TNIP3: variants seen among roughly 807,000 people sequenced by gnomAD.
TNIP3 encodes TNFAIP3 interacting protein 3.
A neutral mutation model predicts 54.1 loss-of-function variants in TNIP3; 34 were observed. That is an observed-to-expected ratio of 0.63 (90% CI 0.48 to 0.84). TNIP3 has a LOEUF of 0.84. Among genes scored for constraint, TNIP3 ranks in the 40% least tolerant of loss-of-function variants. TNIP3 has a pLI of 0.00. For synonymous variants in TNIP3, 134 were observed against 136.8 expected (o/e 0.98, Z 0.14); for missense variants, 366 against 387.6 (o/e 0.94, Z 0.47).
chr4:121,140,473 T>C lies in TNIP3; in HGVS notation c.885+1343A>G, dbSNP rs551601462. On this transcript the variant is annotated intron_variant, in intron 9 of 10. Coordinates refer to ENST00000057513, the MANE Select transcript of TNIP3 (RefSeq NM_024873.6). ...CTTGCCTTTTTTAATTGACATGGAC[T>C]GTTTGATGAGCTATAGTAGGTGAAT... Among the ~76,000 whole-genome samples, 109 of 152,344 alleles carry C rather than the reference T, an allele frequency of 7.2e-4. 1 individual carries two copies. The highest frequency in any genetic ancestry group is 1.7e-3 in the East Asian group (9 of 5,188).
intron 1 of TNIP3, among the ~76,000 whole-genome samples, chr4:121,162,499 A>G (rs1216006025): frequency 6.6e-6 from 1 of 151,486 alleles, no homozygotes; most frequent in African/African-American, 2.4e-5. Context: ...TGGGGCCCGT[A>G]ATTGGACCTT....
intron 3 of TNIP3, among the ~76,000 whole-genome samples, chr4:121,158,457 G>A (rs992235241): frequency 1.3e-5 from 2 of 152,112 alleles, no homozygotes; most frequent in African/African-American, 4.8e-5. Flanking sequence ...ACATCACTGG[G>A]GGCCATTTTT....
chr4:121,225,314 C>T (rs1184438130), intron 1 of TNIP3, among the ~76,000 whole-genome samples: 1 of 152,194 alleles, frequency 6.6e-6, no homozygotes, highest in Non-Finnish European at 1.5e-5. Context: ...ATTTTCCCCC[C>T]ATATGATGTC....
chr4:121,215,574 T>C (rs1420569245), intron 2 of TNIP3, among the ~76,000 whole-genome samples: 1 of 152,140 alleles, frequency 6.6e-6, no homozygotes, highest in Non-Finnish European at 1.5e-5. Context: ...ACATTCTGCC[T>C]TCAGCTTGGA....
At chr4:121,213,615 T>A (rs943340810) in intron 2 of TNIP3, among the ~76,000 whole-genome samples, 1 of 150,980 alleles carries the variant, frequency 6.6e-6, no homozygotes, top group Non-Finnish European at 1.5e-5. Context: ...TAGTCCCAGC[T>A]ACTAGGGAGG....
At chr4:121,178,384 C>A (rs1022152103) in intron 3 of TNIP3, among the ~76,000 whole-genome samples, 1 of 152,188 alleles carries the variant, frequency 6.6e-6, no homozygotes, top group East Asian at 1.9e-4. Flanking sequence ...CTCTGACCCT[C>A]CGGCAAACAC....
intron 2 of TNIP3, among the ~76,000 whole-genome samples, chr4:121,211,067 G>T (rs773954032): frequency 1.3e-5 from 2 of 152,096 alleles, no homozygotes; most frequent in African/African-American, 4.8e-5. Flanking sequence ...GAACTTACAT[G>T]GTTAGAACAA....
upstream of TNIP3, among the ~76,000 whole-genome samples, chr4:121,165,747 T>C (rs558084994): frequency 2.0e-5 from 3 of 151,614 alleles, no homozygotes; most frequent in East Asian, 5.8e-4. Context: ...TGAAAGGGAG[T>C]GACGCTGCTT....
intron 5 of TNIP3, among the ~76,000 whole-genome samples, chr4:121,152,789 AT>A (rs1197630443): frequency 1.3e-5 from 2 of 152,052 alleles, no homozygotes; most frequent in Admixed American, 6.6e-5. Context: ...CCCAAAGTTT[AT>A]TTTTTCTTCT....
chr4:121,161,057 AG>A, intron 2 of TNIP3, 78 bp downstream of exon 2: 8 of 1,139,336 alleles, frequency 7.0e-6, no homozygotes, highest in Non-Finnish European at 1.3e-6. Context: ...CAAAAATAAA[AG>A]GCACAAGGAT....
At chr4:121,200,363 G>T (rs528699283) in intron 2 of TNIP3, among the ~76,000 whole-genome samples, 1 of 152,180 alleles carries the variant, frequency 6.6e-6, no homozygotes, top group South Asian at 2.1e-4. Flanking sequence ...TTATAGTAGG[G>T]CCCTCAGTAG....
chr4:121,206,390 A>C (rs998038963), intron 2 of TNIP3, among the ~76,000 whole-genome samples: 2 of 152,202 alleles, frequency 1.3e-5, no homozygotes, highest in Non-Finnish European at 2.9e-5. Context: ...ATCCTCGGTT[A>C]AGTTAAATTT....
chr4:121,194,034 C>T (rs750259749), intron 2 of TNIP3, among the ~76,000 whole-genome samples: 7 of 151,982 alleles, frequency 4.6e-5, no homozygotes, highest in Non-Finnish European at 8.8e-5. Flanking sequence ...TGGATTGGAG[C>T]CTTTTTTATG....
chr4:121,153,701 C>T (rs934147749), intron 5 of TNIP3, among the ~76,000 whole-genome samples: 1 of 152,134 alleles, frequency 6.6e-6, no homozygotes, highest in Admixed American at 6.6e-5. Context: ...CTTTGAGGAT[C>T]TTTAAATAAC....
chr4:121,160,468 C>T (rs1313046254), intron 2 of TNIP3, among the ~76,000 whole-genome samples: 3 of 139,526 alleles, frequency 2.2e-5, no homozygotes, highest in Non-Finnish European at 3.1e-5. Context: ...GACAGAGCAA[C>T]ACTGTCTCAA....
At chr4:121,210,611 GT>G (rs1726430486) in intron 2 of TNIP3, among the ~76,000 whole-genome samples, 1 of 152,218 alleles carries the variant, frequency 6.6e-6, no homozygotes. Context: ...AGGCTGGGAA[GT>G]TTGTGAGCAA....
intron 6 of TNIP3, among the ~76,000 whole-genome samples, chr4:121,147,949 A>G (rs1350057186): frequency 1.3e-5 from 2 of 152,252 alleles, no homozygotes; most frequent in African/African-American, 4.8e-5. Flanking sequence ...AATTTTGTAT[A>G]GATCTACATG....
intron 1 of TNIP3, among the ~76,000 whole-genome samples, chr4:121,225,742 C>G (rs1410594543): frequency 1.3e-5 from 2 of 152,128 alleles, no homozygotes; most frequent in African/African-American, 2.4e-5. Flanking sequence ...TTAGTAAGCA[C>G]CTTTGCCTTC....
chr4:121,145,989 AAGAG>A (rs1553930603), intron 7 of TNIP3, among the ~76,000 whole-genome samples: 1 of 151,666 alleles, frequency 6.6e-6, no homozygotes, highest in Non-Finnish European at 1.5e-5. Flanking sequence ...TAAAAAAAAA[AAGAG>A]AGAGAGAGAA....
Sources: allele counts gnomAD v4.1 joint callset (sites outside exome capture counted in the v4.1 genomes callset), GRCh38; gene constraint gnomAD v4.1.1; transcripts MANE v1.5; gene names NCBI Gene and HGNC (gene_info 2026-07-23, HGNC 2026-07-21).